MTPAP: variants seen among roughly 807,000 people sequenced by gnomAD.
MTPAP encodes the protein mitochondrial poly(A) polymerase, also known as poly(A) RNA polymerase, mitochondrial.
A neutral mutation model predicts 48.7 loss-of-function variants in MTPAP; 23 were observed. The observed-to-expected ratio is 0.47, with a 90% CI of 0.34 to 0.67. The LOEUF (loss-of-function observed/expected upper bound fraction) is 0.67. Among genes scored for constraint, MTPAP ranks in the 30% least tolerant of loss-of-function variants. The probability of loss-of-function intolerance (pLI) is 0.01; values close to 1 mark genes in which losing one functional copy is unlikely to be tolerated. For missense variants in MTPAP, 614 were observed against 694.3 expected (o/e 0.88, Z 1.30); for synonymous variants, 257 against 254.1 (o/e 1.01, Z -0.11).
At chr10:30,339,779 AAATGT>A (rs1834777155) in intron 3 of MTPAP, among the ~76,000 whole-genome samples, 1 of 152,252 alleles carries the variant, frequency 6.6e-6, no homozygotes, top group African/African-American at 2.4e-5. Flanking sequence ...TTAGCACGAC[AAATGT>A]AATAATGCAT....
In MTPAP at chr10:30,313,322, T is replaced by C. The variant is rs530097439; in HGVS notation, c.*287A>G. The C allele has an allele frequency of 4.9e-6, 2 of 405,760 alleles. No homozygotes were observed. Among genetic ancestry groups the C allele is most frequent in the South Asian group, 3.0e-5 (1 of 33,444 alleles). The allele number at this position is 405,760 out of a possible 1,614,324, so 25.1% of individuals were successfully genotyped here. On this transcript the variant is annotated 3_prime_UTR_variant, in exon 9 of 9. Transcript: ENST00000263063. ...GTTGTCCACGATGGATTCAAAATCC[T>C]GGGCTCAAGAGATCCTCCTGCCTCA... is the stretch of plus-strand genomic sequence containing the variant.
intron 5 of MTPAP, among the ~76,000 whole-genome samples, chr10:30,325,572 C>A (rs1383344486): frequency 6.6e-6 from 1 of 152,058 alleles, no homozygotes; most frequent in Non-Finnish European, 1.5e-5. Context: ...CAGGGTGAAA[C>A]CCCGTCTCCA....
intron 1 of MTPAP, among the ~76,000 whole-genome samples, chr10:30,346,903 C>A (rs1834879607): frequency 6.6e-6 from 1 of 152,044 alleles, no homozygotes; most frequent in Non-Finnish European, 1.5e-5. Context: ...GACCATCACC[C>A]CCATCATCAA....
rs866193507 is a variant in MTPAP, at chr10:30,340,521, A to G, written c.331-71T>C. The G allele has an allele frequency of 9.8e-5, 104 of 1,056,548 alleles. No homozygotes were observed. In the African/African-American group the frequency reaches 1.3e-3, roughly 13 times the overall value. The allele number at this position is 1,056,548 out of a possible 1,614,324, so 65.4% of individuals were successfully genotyped here. A position where few individuals can be genotyped will look rare whatever the true frequency, so the allele number is the denominator to read the frequency against. On this transcript the variant is annotated intron_variant, in intron 2 of 8. Transcript: ENST00000263063. ...TCTAACATACTATTTTAGCTCATAT[A>G]TTAAAACAATTATCATAATGCTACA... is the stretch of plus-strand genomic sequence containing the variant.
At chr10:30,325,679 G>C (rs1247133484) in intron 5 of MTPAP, among the ~76,000 whole-genome samples, 1 of 152,072 alleles carries the variant, frequency 6.6e-6, no homozygotes, top group Non-Finnish European at 1.5e-5. Context: ...CCAGGAGGTG[G>C]AGGTTGCAGT....
intron 5 of MTPAP, 96 bp downstream of exon 5, chr10:30,326,328 T>C (rs955512782): frequency 3.6e-6 from 4 of 1,105,562 alleles, no homozygotes; most frequent in African/African-American, 3.2e-5. Context: ...TATTCAAGCA[T>C]GTTTAAGATT....
intron 4 of MTPAP, among the ~76,000 whole-genome samples, chr10:30,329,442 C>G (rs181328897): frequency 2.3e-3 from 346 of 152,082 alleles, no homozygotes; most frequent in African/African-American, 7.9e-3. Context: ...CTATGTTGCC[C>G]AGGCTGGTCT....
Position 30,337,021 on chromosome 10 carries a change from C to G in MTPAP, c.562G>C (p.Asp188His). The G allele has an allele frequency of 6.2e-7, 1 of 1,612,206 alleles. No homozygotes were observed. Among genetic ancestry groups the G allele is most frequent in the Non-Finnish European group, 8.5e-7 (1 of 1,179,218 alleles). The change falls in exon 4 of 9, where the codon GAT becomes CAT. Residue 188 changes from aspartate (D) to histidine (H), a missense_variant. Transcript: ENST00000263063. ...TCCTTCAAGAGAGTGTTCAGCTGAT[C>G]GTCTATCTAGCTAGCCGAAACAAAA... Reference protein sequence around the residue: ...ELLCYAESIDDQLNTLLKEFQ... With the variant: ...ELLCYAESIDHQLNTLLKEFQ...
chr10:30,323,038 A>G (rs1472717791), intron 5 of MTPAP, among the ~76,000 whole-genome samples: 2 of 148,138 alleles, frequency 1.4e-5, no homozygotes, highest in Non-Finnish European at 3.0e-5. Flanking sequence ...CTGAGGCATG[A>G]GAATTGCTTG....
chr10:30,331,327 T>C (rs1834663526), intron 4 of MTPAP, among the ~76,000 whole-genome samples: 1 of 152,186 alleles, frequency 6.6e-6, no homozygotes, highest in Non-Finnish European at 1.5e-5. Flanking sequence ...ACAGCAATCA[T>C]TCAGATAACA....
intron 1 of MTPAP, 104 bp downstream of exon 1, chr10:30,349,015 T>C (rs1834902859): frequency 3.7e-5 from 57 of 1,541,354 alleles, no homozygotes; most frequent in Non-Finnish European, 5.0e-5. Context: ...CCCACCCTCT[T>C]GCCAAAGGGT....
chr10:30,330,808 G>A (rs140025023), intron 4 of MTPAP, among the ~76,000 whole-genome samples: 220 of 152,286 alleles, frequency 1.4e-3, no homozygotes, highest in Non-Finnish European at 2.2e-3. Flanking sequence ...TTCAAGAGCC[G>A]ATGCTCAATT....
At chr10:30,348,378 T>C (rs894530247) in intron 1 of MTPAP, among the ~76,000 whole-genome samples, 1 of 152,212 alleles carries the variant, frequency 6.6e-6, no homozygotes, top group African/African-American at 2.4e-5. Context: ...CTAGTGACCT[T>C]GCCTAAGTTA....
intron 8 of MTPAP, among the ~76,000 whole-genome samples, chr10:30,314,429 A>G (rs920959796): frequency 6.6e-6 from 1 of 152,158 alleles, no homozygotes; most frequent in East Asian, 1.9e-4. Context: ...AACACACAAA[A>G]TTAGAACCCT....
chr10:30,316,914 A>AT (rs1244967959), intron 6 of MTPAP, among the ~76,000 whole-genome samples: 3 of 150,734 alleles, frequency 2.0e-5, no homozygotes, highest in Non-Finnish European at 4.4e-5. Flanking sequence ...AACAAAACAA[A>AT]TTTAAGTAAA....
intron 8 of MTPAP, 77 bp downstream of exon 8, chr10:30,315,886 G>A (rs1840655686): frequency 1.5e-6 from 2 of 1,360,954 alleles, no homozygotes; most frequent in Non-Finnish European, 1.0e-6. Flanking sequence ...TTATTAGAGT[G>A]TTTTGAAAAC....
At chr10:30,326,697 C>T in intron 4 of MTPAP, 62 bp from the exon 5 acceptor site, 1 of 1,325,740 alleles carries the variant, frequency 7.5e-7, no homozygotes. Context: ...TTTTAATAAG[C>T]TTTTGTAAAA....
At chr10:30,343,340 G>C (rs1834832437) in intron 1 of MTPAP, among the ~76,000 whole-genome samples, 1 of 151,246 alleles carries the variant, frequency 6.6e-6, no homozygotes, top group African/African-American at 2.4e-5. Flanking sequence ...CTTCAACCCA[G>C]GAGGTTGCAG....
chr10:30,341,679 A>T, intron 1 of MTPAP, 39 bp from the exon 2 acceptor site: 1 of 1,609,528 alleles, frequency 6.2e-7, no homozygotes, highest in Non-Finnish European at 8.5e-7. Context: ...ACACGCACAC[A>T]CACAAAATTT....
Sources: gnomAD v4.1 joint callset for allele counts (sites outside exome capture counted in the v4.1 genomes callset) on GRCh38, gnomAD v4.1.1 for gene constraint, MANE v1.5 for transcripts, NCBI Gene and HGNC (gene_info 2026-07-23, HGNC 2026-07-21) for gene names.